SHOC1: variants seen among roughly 807,000 people sequenced by gnomAD.
The protein encoded by SHOC1 is protein shortage in chiasmata 1 ortholog.
Under a neutral mutation model 179.2 loss-of-function variants are expected in SHOC1, and 136 were observed. The observed-to-expected ratio is 0.76, with a 90% CI of 0.66 to 0.87. The LOEUF (loss-of-function observed/expected upper bound fraction) is 0.87. SHOC1 is among the 40% of genes least tolerant of loss of function. SHOC1 has a pLI of 0.00. For missense variants in SHOC1, 1,538 were observed against 1,700.8 expected (o/e 0.90, Z 1.68); for synonymous variants, 489 against 586.6 (o/e 0.83, Z 2.41).
chr9:111,718,035 G>T, intron 16 of SHOC1, 149 bp downstream of exon 16: 1 of 507,144 alleles, frequency 2.0e-6, no homozygotes, highest in Admixed American at 4.1e-5. Flanking sequence ...TATTTCATTA[G>T]AATTATGTCA....
At chr9:111,736,311 A>G (rs1421045154) in intron 12 of SHOC1, among the ~76,000 whole-genome samples, 1 of 152,222 alleles carries the variant, frequency 6.6e-6, no homozygotes, top group Admixed American at 6.5e-5. Context: ...CCTGATTCCA[A>G]CTATACTATA....
In SHOC1 at chr9:111,756,478, G is replaced by T; in HGVS notation, c.709C>A (p.Pro237Thr). 6.3e-7 allele frequency: 1 copy of T among 1,585,924 alleles called. No individual in the cohort carries two copies. ...KLEDTICLNE[P>T]SSFLIEYEFL... Reference sequence around the variant, plus strand: ...TCATACTCAATAAGAAAACTTGACGGCTGAAAAAACATAGTTTAAAAAAGT... The same window carrying T: ...TCATACTCAATAAGAAAACTTGACGTCTGAAAAAACATAGTTTAAAAAAGT... Residue 237 changes from proline (P) to threonine (T), a missense_variant and splice_region_variant, in exon 8 of 28, where the codon CCG becomes ACG. Transcript: ENST00000682961.
chr9:111,769,979 T>G (rs71495145), intron 5 of SHOC1, among the ~76,000 whole-genome samples: 9,791 of 41,708 alleles, frequency 0.23, 850 homozygotes, highest in African/African-American at 0.35. Context: ...TCTTCTGTTT[T>G]TTTTTTGTTT....
Position 111,692,349 on chromosome 9 carries a change from A to G in SHOC1, c.3628T>C (p.Tyr1210His). The change falls in exon 27 of 28, where the codon TAT becomes CAT. Residue 1210 changes from tyrosine to histidine, a missense_variant. Transcript: ENST00000682961. Reference sequence around the variant, plus strand: ...GTCTCTCCTAATCCTAAATACTGATAATATTCATTATGTTCTTGAATGACA... The same window carrying G: ...GTCTCTCCTAATCCTAAATACTGATGATATTCATTATGTTCTTGAATGACA... Reference protein sequence around the residue: ...DSVIQEHNEYYQYLGLGETVQ... With the variant: ...DSVIQEHNEYHQYLGLGETVQ... The G allele has an allele frequency of 6.2e-7, 1 of 1,611,478 alleles. No individual in the cohort carries two copies. The highest frequency in any genetic ancestry group is 1.1e-5 in the South Asian group (1 of 91,010).
chr9:111,771,732 G>T lies in SHOC1; in HGVS notation c.442+4059C>A, dbSNP rs1355935832. On this transcript the variant is annotated intron_variant, in intron 5 of 27. Transcript: ENST00000682961. ...TTTCTTTGAGCACTTTGAATATGTTGTTCCACTCCCTCCTGTCTGTATGGT... is the reference window on the plus strand; with the variant it reads ...TTTCTTTGAGCACTTTGAATATGTTTTTCCACTCCCTCCTGTCTGTATGGT... 2.0e-5 allele frequency among the ~76,000 whole-genome samples: 3 copies of T among 151,896 alleles called. No homozygotes were observed. In the South Asian group the frequency reaches 6.2e-4, roughly 32 times the overall value.
chr9:111,750,900 C>T (rs999620195), intron 8 of SHOC1, among the ~76,000 whole-genome samples: 2 of 152,032 alleles, frequency 1.3e-5, no homozygotes, highest in African/African-American at 4.8e-5. Context: ...TTGGCGTTTT[C>T]GTCATGCAAT....
intron 8 of SHOC1, among the ~76,000 whole-genome samples, chr9:111,755,047 C>A (rs137898986): frequency 6.6e-6 from 1 of 152,114 alleles, no homozygotes; most frequent in African/African-American, 2.4e-5. Flanking sequence ...CACTGCCTAC[C>A]CCCTGACCTT....
At chr9:111,714,646 A>C in intron 16 of SHOC1, 23 bp from the exon 17 acceptor site, 1 of 1,586,236 alleles carries the variant, frequency 6.3e-7, no homozygotes, top group Non-Finnish European at 8.6e-7. Flanking sequence ...AATTAGAAAA[A>C]AATTGTCTAA....
chr9:111,723,107 C>T lies in SHOC1; in HGVS notation c.1955-522G>A, dbSNP rs1363977124. Reference sequence around the variant, plus strand: ...TATTATTTATTAGAGAGGATTTATTCCATAATTAACTTGACATGGCAAATA... The same window carrying T: ...TATTATTTATTAGAGAGGATTTATTTCATAATTAACTTGACATGGCAAATA... On this transcript the variant is annotated intron_variant, in intron 14 of 27. Transcript: ENST00000682961. 4.6e-5 allele frequency among the ~76,000 whole-genome samples: 7 copies of T among 152,118 alleles called. No homozygotes were observed. In the East Asian group the frequency reaches 1.3e-3, roughly 29 times the overall value.
At chr9:111,743,818 G>A (rs999334235) in intron 10 of SHOC1, among the ~76,000 whole-genome samples, 1 of 152,118 alleles carries the variant, frequency 6.6e-6, no homozygotes, top group Admixed American at 6.5e-5. Flanking sequence ...CCGGCATAAA[G>A]GGGGACTACT....
chr9:111,785,545 T>C (rs1337979642), intron 3 of SHOC1, among the ~76,000 whole-genome samples: 1 of 152,168 alleles, frequency 6.6e-6, no homozygotes, highest in East Asian at 1.9e-4. Context: ...AAAAAACTAT[T>C]TTATACATAT....
At position 111,769,975 on chromosome 9, in the gene SHOC1, G is replaced by GTTTGTTTTTTTTTTTTTTTTTT. The variant is rs1564161086; in HGVS notation, c.442+5815_442+5816insAAAAAAAAAAAAAAAAAACAAA. 9.1e-5 allele frequency among the ~76,000 whole-genome samples: 8 copies of GTTTGTTTTTTTTTTTTTTTTTT among 87,806 alleles called. 2 individuals are homozygous for GTTTGTTTTTTTTTTTTTTTTTT. The highest frequency in any genetic ancestry group is 3.2e-4 in the African/African-American group (6 of 18,794). The allele number at this position is 87,806 out of a possible 152,430, so 57.6% of individuals were successfully genotyped here. On this transcript the variant is annotated intron_variant, in intron 5 of 27. Transcript: ENST00000682961. ...AATCTAGCGAAAGGTTTTATCTTCT[G>GTTTGTTTTTTTTTTTTTTTTTT]TTTTTTTTTTGTTTTTTTTTTTTTT...
intron 12 of SHOC1, among the ~76,000 whole-genome samples, chr9:111,728,406 A>G (rs761005157): frequency 7.9e-5 from 12 of 152,198 alleles, no homozygotes; most frequent in African/African-American, 2.9e-4. Flanking sequence ...CTTGCAATAC[A>G]TATAACTGAC....
intron 4 of SHOC1, among the ~76,000 whole-genome samples, chr9:111,777,603 C>T (rs548544220): frequency 6.6e-5 from 10 of 152,296 alleles, no homozygotes; most frequent in South Asian, 2.1e-4. Flanking sequence ...TTTAACCTTG[C>T]CCTTACCTGT....
chr9:111,767,931 C>A (rs571949200), intron 5 of SHOC1, among the ~76,000 whole-genome samples: 7 of 151,446 alleles, frequency 4.6e-5, no homozygotes, highest in Non-Finnish European at 1.0e-4. Context: ...ATAGGGATTG[C>A]ACTGAATCTG....
At chr9:111,735,795 TC>T (rs1329472606) in intron 12 of SHOC1, among the ~76,000 whole-genome samples, 1 of 152,240 alleles carries the variant, frequency 6.6e-6, no homozygotes, top group Non-Finnish European at 1.5e-5. Context: ...TAGTTTACAC[TC>T]CTACCAACAG....
At chr9:111,692,533 T>C (rs1564102206) in intron 26 of SHOC1, 22 bp from the exon 27 acceptor site, 1 of 1,495,688 alleles carries the variant, frequency 6.7e-7, no homozygotes, top group Non-Finnish European at 9.0e-7. Context: ...ATTAATATAA[T>C]GCAAATGTCA....
chr9:111,773,993 G>A (rs1835730320), intron 5 of SHOC1, among the ~76,000 whole-genome samples: 2 of 152,032 alleles, frequency 1.3e-5, no homozygotes, highest in African/African-American at 2.4e-5. Context: ...ATAAAGTGAT[G>A]TCCGGTGACA....
At chr9:111,708,047 C>T (rs1832359767) in intron 18 of SHOC1, 123 bp from the exon 19 acceptor site, 1 of 516,576 alleles carries the variant, frequency 1.9e-6, no homozygotes, top group South Asian at 3.8e-5. Context: ...GCTTAAAATA[C>T]AATTTGCTAG....
Sources: allele counts gnomAD v4.1 joint callset (sites outside exome capture counted in the v4.1 genomes callset), GRCh38; gene constraint gnomAD v4.1.1; transcripts MANE v1.5; gene names NCBI Gene and HGNC (gene_info 2026-07-23, HGNC 2026-07-21).